Variants in DTHD1 observed in about 807,000 individuals in gnomAD.
The protein encoded by DTHD1 is death domain-containing protein 1.
DTHD1 carries 59 observed loss-of-function variants against 74.8 expected under a neutral mutation model. That is an observed-to-expected ratio of 0.79 (90% CI 0.64 to 0.98). DTHD1 has a LOEUF of 0.98. Ranked by LOEUF, DTHD1 falls within the 50% of genes least tolerant of loss-of-function variation. DTHD1 has a pLI of 0.00. For missense variants in DTHD1, 1,051 were observed against 1,065.4 expected (o/e 0.99, Z 0.19); for synonymous variants, 365 against 371.1 (o/e 0.98, Z 0.19).
chr4:36,329,736 T>C (rs771329041), intron 8 of DTHD1, among the ~76,000 whole-genome samples: 1 of 152,238 alleles, frequency 6.6e-6, no homozygotes, highest in Non-Finnish European at 1.5e-5. Context: ...AACAATGTTC[T>C]CTTTTTAAAC....
chr4:36,330,083 A>T (rs1758579598), intron 8 of DTHD1, among the ~76,000 whole-genome samples: 1 of 152,228 alleles, frequency 6.6e-6, no homozygotes, highest in Non-Finnish European at 1.5e-5. Flanking sequence ...GATACATGAT[A>T]TAACTCAATG....
At chr4:36,323,824 G>C (rs1167784455) in intron 8 of DTHD1, among the ~76,000 whole-genome samples, 1 of 152,092 alleles carries the variant, frequency 6.6e-6, no homozygotes, top group East Asian at 1.9e-4. Context: ...TTGGTAAGTA[G>C]AAATATTATG....
chr4:36,284,193 C>T lies in DTHD1; in HGVS notation c.489C>T (p.Pro163=). The change falls in exon 2 of 10, where the codon CCC becomes CCT. Residue 163 remains proline (P), a synonymous_variant. Coordinates refer to ENST00000639862, the MANE Select transcript of DTHD1 (RefSeq NM_001170700.3). ...TCATAGAAACAGCTACTGTTTCTCCCACAAATGGAGAGGAAAGTCATTACA... is the reference window on the plus strand; with the variant it reads ...TCATAGAAACAGCTACTGTTTCTCCTACAAATGGAGAGGAAAGTCATTACA... ...LNVIETATVS[P]TNGEESHYTN... is the part of the protein sequence containing the mutation. The T allele has an allele frequency of 2.6e-6, 4 of 1,537,136 alleles. No individual in the cohort carries two copies. Among genetic ancestry groups the T allele is most frequent in the South Asian group, 2.4e-5 (2 of 84,056 alleles).
At chr4:36,318,104 A>G (rs1757833862) in intron 8 of DTHD1, among the ~76,000 whole-genome samples, 1 of 152,190 alleles carries the variant, frequency 6.6e-6, no homozygotes, top group Non-Finnish European at 1.5e-5. Context: ...AATTGTTCTT[A>G]TTTTATGGGA....
At chr4:36,330,702 G>T (rs1326677824) in intron 8 of DTHD1, among the ~76,000 whole-genome samples, 2 of 152,104 alleles carry the variant, frequency 1.3e-5, no homozygotes. Flanking sequence ...TCTGTGAAAT[G>T]GGGATAATAA....
In DTHD1 at chr4:36,283,828, C is replaced by G. The variant is rs902066374; in HGVS notation, c.272-148C>G. Reference sequence around the variant, plus strand: ...AAGAGTGACAGTTATACAATTACTTCTCCTTCAGGAGTTTGGCTTAAATGC... The same window carrying G: ...AAGAGTGACAGTTATACAATTACTTGTCCTTCAGGAGTTTGGCTTAAATGC... On this transcript the variant is annotated intron_variant, in intron 1 of 9. Transcript: ENST00000639862. 5 of 613,022 alleles carry G rather than the reference C, an allele frequency of 8.2e-6. No homozygotes were observed. The South Asian group carries it at 1.1e-4, about 13-fold the overall frequency. The allele number at this position is 613,022 out of a possible 1,614,324, so 38.0% of individuals were successfully genotyped here.
At position 36,284,377 on chromosome 4, in the gene DTHD1, G is replaced by C. The variant is rs1390192198; in HGVS notation, c.673G>C (p.Glu225Gln). The stretch of plus-strand genomic sequence containing the variant: ...AGAAAATGAAGATGATAAACAAATA[G>C]AACACATGACTGTTGAGAACATAAA... ...NAENEDDKQI[E>Q]HMTVENINGN... The change falls in exon 2 of 10, where the codon GAA (glutamate) becomes CAA (glutamine). Residue 225 changes from glutamate to glutamine, a missense_variant. Glu to Gln is a conservative substitution (Grantham distance 29). Coordinates refer to ENST00000639862, the MANE Select transcript of DTHD1 (RefSeq NM_001170700.3). 19 of 1,537,090 alleles carry C rather than the reference G, an allele frequency of 1.2e-5. No homozygotes were observed. Among genetic ancestry groups the C allele is most frequent in the Non-Finnish European group, 1.6e-5 (18 of 1,146,834 alleles).
intron 9 of DTHD1, 42 bp downstream of exon 9, chr4:36,339,211 CCCCCT>C (rs1465077815): frequency 1.5e-6 from 2 of 1,372,102 alleles, no homozygotes; most frequent in Admixed American, 4.1e-5. Context: ...TGCTTCCCCA[CCCCCT>C]TATATGTTGT....
Position 36,344,773 on chromosome 4 carries a change from AG to A in DTHD1, c.*953del, listed in dbSNP as rs762674695. ...CTTTGAAATGCCCTTGGCTGAGAGA[AG>A]GGGCTTGTTCAGATAGTTGGGAGAC... On this transcript the variant is annotated 3_prime_UTR_variant, in exon 10 of 10. Coordinates refer to ENST00000639862, the MANE Select transcript of DTHD1 (RefSeq NM_001170700.3). The A allele has an allele frequency of 5.9e-5, 9 of 152,328 alleles. No homozygotes were observed. Among genetic ancestry groups the A allele is most frequent in the Admixed American group, 1.3e-4 (2 of 15,292 alleles). The allele number at this position is 152,328 out of a possible 1,614,324, so 9.4% of individuals were successfully genotyped here. A position where few individuals can be genotyped will look rare whatever the true frequency, so the allele number is the denominator to read the frequency against.
In DTHD1 at chr4:36,290,704, G is replaced by T. The variant is rs201876616; in HGVS notation, c.1218+1G>T. The T allele has an allele frequency of 3.0e-4, 453 of 1,531,676 alleles. No individual in the cohort carries two copies. The Middle Eastern group carries it at 5.8e-3, about 20-fold the overall frequency. The allele number at this position is 1,531,676 out of a possible 1,614,324, so 94.9% of individuals were successfully genotyped here. A position where few individuals can be genotyped will look rare whatever the true frequency, so the allele number is the denominator to read the frequency against. ...AGAAGGAATGAAGGGAGGTTATAAG[G>T]TTAGTAAATTCTTGGCTATATCTAC... On this transcript the variant is annotated splice_donor_variant, in intron 3 of 9. Coordinates refer to ENST00000639862, the MANE Select transcript of DTHD1 (RefSeq NM_001170700.3). LOFTEE classifies it high-confidence loss of function.
intron 8 of DTHD1, among the ~76,000 whole-genome samples, chr4:36,328,470 G>A (rs1401221332): frequency 2.6e-5 from 4 of 152,070 alleles, no homozygotes; most frequent in Non-Finnish European, 4.4e-5. Context: ...AAAAAAAACC[G>A]TGTGTGTGTG....
In DTHD1 at chr4:36,290,353, C is replaced by T; in HGVS notation, c.888-20C>T. On this transcript the variant is annotated intron_variant, in intron 2 of 9. Coordinates refer to ENST00000639862, the MANE Select transcript of DTHD1 (RefSeq NM_001170700.3). ...ATAAATCAAATAATTGGAAAAATGACATTCTTTTTCCCCCTCCAGGTATCT... is the reference window on the plus strand; with the variant it reads ...ATAAATCAAATAATTGGAAAAATGATATTCTTTTTCCCCCTCCAGGTATCT... The T allele has an allele frequency of 6.6e-7, 1 of 1,523,848 alleles. No individual in the cohort carries two copies. The highest frequency in any genetic ancestry group is 1.4e-5 in the African/African-American group (1 of 71,936). 94.4% of individuals were successfully genotyped at this position (1,523,848 alleles called of 1,614,324 possible).
intron 9 of DTHD1, among the ~76,000 whole-genome samples, chr4:36,342,092 G>T (rs1321127726): frequency 6.6e-6 from 1 of 152,198 alleles, no homozygotes; most frequent in Non-Finnish European, 1.5e-5. Flanking sequence ...ACTGGGGTCG[G>T]AGGTGTGAAT....
At position 36,303,600 on chromosome 4, in the gene DTHD1, G is replaced by A. The variant is rs74783358; in HGVS notation, c.1644-2591G>A. ...GTTACATCTTTATAAGTCTAAGTTC[G>A]TAGAAAAGAGGAAGCTTTTTCCCTA... On this transcript the variant is annotated intron_variant, in intron 5 of 9. Transcript: ENST00000639862. Among the ~76,000 whole-genome samples, 505 of 58,098 alleles carry A rather than the reference G, an allele frequency of 8.7e-3. 7 individuals are homozygous for A. Among genetic ancestry groups the A allele is most frequent in the Admixed American group, 0.058 (351 of 6,026 alleles). 38.1% of individuals were successfully genotyped at this position (58,098 alleles called of 152,430 possible).
chr4:36,313,230 AC>A (rs1757503340), intron 7 of DTHD1, among the ~76,000 whole-genome samples: 1 of 152,184 alleles, frequency 6.6e-6, no homozygotes, highest in African/African-American at 2.4e-5. Context: ...ACATTCTGGA[AC>A]TTTTTACATG....
intron 8 of DTHD1, among the ~76,000 whole-genome samples, chr4:36,335,240 AG>A (rs774936804): frequency 6.6e-6 from 1 of 151,924 alleles, no homozygotes; most frequent in Non-Finnish European, 1.5e-5. Flanking sequence ...AAGTTTTTTG[AG>A]GGGGGGTGCT....
At chr4:36,316,218 T>C (rs1757717193) in intron 7 of DTHD1, 24 bp from the exon 8 acceptor site, 1 of 1,545,754 alleles carries the variant, frequency 6.5e-7, no homozygotes, top group Non-Finnish European at 8.7e-7. Flanking sequence ...TTAATGGTAA[T>C]AAATACATTT....
In DTHD1 at chr4:36,293,713, T is replaced by C. The variant is rs2109461703; in HGVS notation, c.1398+8T>C. ...GTGCTGGTGCAGTTAAAGGTAAACA[T>C]ATTAAAAATAGGTGAGTTCCTGCTC... On this transcript the variant is annotated splice_region_variant and intron_variant, in intron 4 of 9. Transcript: ENST00000639862. 4.7e-6 allele frequency: 7 copies of C among 1,488,988 alleles called. No individual in the cohort carries two copies. The highest frequency in any genetic ancestry group is 2.2e-5 in the Admixed American group (1 of 45,826). The allele number at this position is 1,488,988 out of a possible 1,614,324, so 92.2% of individuals were successfully genotyped here.
In DTHD1 at chr4:36,284,410, A is replaced by T; in HGVS notation, c.706A>T (p.Arg236Trp). The T allele has an allele frequency of 1.3e-6, 2 of 1,537,178 alleles. No homozygotes were observed. The highest frequency in any genetic ancestry group is 1.7e-6 in the Non-Finnish European group (2 of 1,146,836). ...HMTVENINGN[R>W]EETHGIIQTT... ...GACTGTTGAGAACATAAATGGCAAC[A>T]GGGAAGAGACTCATGGCATAATTCA... Residue 236 changes from arginine (R) to tryptophan (W), a missense_variant, in exon 2 of 10, where the codon AGG becomes TGG. Physicochemically the swap from Arg to Trp is moderately radical, Grantham distance 101. Coordinates refer to ENST00000639862, the MANE Select transcript of DTHD1 (RefSeq NM_001170700.3).
Sources: gnomAD v4.1 joint callset for allele counts (sites outside exome capture counted in the v4.1 genomes callset) on GRCh38, gnomAD v4.1.1 for gene constraint, MANE v1.5 for transcripts, NCBI Gene and HGNC (gene_info 2026-07-23, HGNC 2026-07-21) for gene names.